SREK1: variants seen among roughly 807,000 people sequenced by gnomAD.
SREK1 encodes the protein splicing regulatory glutamic acid and lysine rich protein 1, also known as splicing regulatory glutamine/lysine-rich protein 1.
A neutral mutation model predicts 66.5 loss-of-function variants in SREK1; 13 were observed. The observed-to-expected ratio is 0.20, with a 90% CI of 0.13 to 0.31. The LOEUF (loss-of-function observed/expected upper bound fraction) is 0.31. Among genes scored for constraint, SREK1 ranks in the 10% least tolerant of loss-of-function variants. The pLI is 1.00. For missense variants in SREK1, 607 were observed against 769.6 expected (o/e 0.79, Z 2.50); for synonymous variants, 265 against 263.5 (o/e 1.01, Z -0.05).
intron 1 of SREK1, 145 bp downstream of exon 1, chr5:66,144,682 G>C: frequency 7.3e-7 from 1 of 1,369,008 alleles, no homozygotes. Context: ...TTTGATTAGG[G>C]CACCCGGGTT....
chr5:66,181,759 T>A lies in SREK1; in HGVS notation c.*2891T>A, dbSNP rs1399693735. 6.6e-6 allele frequency: 1 copy of A among 152,222 alleles called. No individual in the cohort carries two copies. Among genetic ancestry groups the A allele is most frequent in the Non-Finnish European group, 1.5e-5 (1 of 68,044 alleles). The allele number at this position is 152,222 out of a possible 1,614,324, so 9.4% of individuals were successfully genotyped here. On this transcript the variant is annotated 3_prime_UTR_variant, in exon 12 of 12. Transcript: ENST00000334121. ...CTTATAATTGCAAACACTAGTCAGC[T>A]TGTGATCTCTGTGTTTCAAGTTCTT...
rs1461496008 is a variant in SREK1, at chr5:66,153,592, A to G, written c.291A>G (p.Ala97=). Reference sequence around the variant, plus strand: ...GAGCTCTGATAGTTGTTCCTTGTGCAGAAGGTTGGTATCTCGCTTTTTTTC... The same window carrying G: ...GAGCTCTGATAGTTGTTCCTTGTGCGGAAGGTTGGTATCTCGCTTTTTTTC... ...IDRALIVVPC[A]EGKIPEESKA... is the part of the protein sequence containing the mutation. The change falls in exon 2 of 12, where the codon GCA becomes GCG. Residue 97 remains alanine (A), a synonymous_variant. Transcript: ENST00000334121. 1 of 1,613,874 alleles carries G rather than the reference A, an allele frequency of 6.2e-7. No homozygotes were observed. Among genetic ancestry groups the G allele is most frequent in the Non-Finnish European group, 8.5e-7 (1 of 1,179,930 alleles).
In SREK1 at chr5:66,178,807, A is replaced by G. The variant is rs776696532; in HGVS notation, c.1814A>G (p.Gln605Arg). 6 of 1,612,626 alleles carry G rather than the reference A, an allele frequency of 3.7e-6. No homozygotes were observed. In the South Asian group the frequency reaches 6.6e-5, roughly 18 times the overall value. ...DAPRTEENKI[Q>R]HNGNCQLNEE... ...CCAAGGACTGAGGAAAACAAAATAC[A>G]GCACAATGGGAATTGTCAGCTGAAT... The change falls in exon 12 of 12, where the codon CAG becomes CGG. Residue 605 changes from glutamine (Q) to arginine (R), a missense_variant. Physicochemically the swap from Gln to Arg is conservative, Grantham distance 43. Coordinates refer to ENST00000334121, the MANE Select transcript of SREK1 (RefSeq NM_001077199.3).
At chr5:66,166,658 G>A (rs969076729) in intron 7 of SREK1, 1 of 151,906 alleles carries the variant, frequency 6.6e-6, no homozygotes, top group Admixed American at 6.6e-5. Context: ...TTGTAGAAAC[G>A]GGGTTTTATC....
intron 9 of SREK1, among the ~76,000 whole-genome samples, chr5:66,173,553 T>C (rs567947121): frequency 6.6e-6 from 1 of 152,230 alleles, no homozygotes; most frequent in Non-Finnish European, 1.5e-5. Context: ...AGTCTAAATC[T>C]CACCAACTTT....
chr5:66,160,069 G>A (rs764721317), intron 3 of SREK1, among the ~76,000 whole-genome samples: 1 of 152,112 alleles, frequency 6.6e-6, no homozygotes. Flanking sequence ...GGCGGAGCTT[G>A]CAGTGAGCGA....
At chr5:66,144,698 G>T in intron 1 of SREK1, 161 bp downstream of exon 1, 1 of 1,334,884 alleles carries the variant, frequency 7.5e-7, no homozygotes, top group Non-Finnish European at 9.9e-7. Context: ...GGGTTCCGCC[G>T]TCCTGCTCTC....
intron 7 of SREK1, chr5:66,168,921 C>G (rs1004299190): frequency 6.6e-6 from 1 of 152,136 alleles, no homozygotes; most frequent in Admixed American, 6.5e-5. Context: ...CAGTTGTAAT[C>G]CTCATGACAG....
rs143655951 is a variant in SREK1, at chr5:66,178,721, G to T, written c.1728G>T (p.Glu576Asp). 8 of 1,598,582 alleles carry T rather than the reference G, an allele frequency of 5.0e-6. No homozygotes were observed. In the African/African-American group the frequency reaches 8.1e-5, roughly 16 times the overall value. The change falls in exon 12 of 12, where the codon GAG becomes GAT. Residue 576 changes from glutamate (E) to aspartate (D), a missense_variant and splice_region_variant. Around this residue, in one of 5 missense-constraint regions of SREK1, gnomAD observed 318 missense variants for 310.3 expected, o/e 1.02. Coordinates refer to ENST00000334121, the MANE Select transcript of SREK1 (RefSeq NM_001077199.3). ...KLEKNSTSLK[E>D]KEHNKEPDSS... ...CATACCTTAATTACTCATTGTAGGA[G>T]AAAGAGCACAATAAAGAACCAGATT...
intron 2 of SREK1, 145 bp downstream of exon 2, chr5:66,153,741 A>C: frequency 1.1e-6 from 1 of 924,510 alleles, no homozygotes; most frequent in South Asian, 1.7e-5. Context: ...AAACCTTTTT[A>C]CCTAATAGTA....
At chr5:66,173,251 C>T (rs1745790051) in intron 9 of SREK1, among the ~76,000 whole-genome samples, 1 of 152,074 alleles carries the variant, frequency 6.6e-6, no homozygotes, top group Non-Finnish European at 1.5e-5. Flanking sequence ...TTATTTCTAA[C>T]ATTGTCTCCT....
rs1744847983 is a variant in SREK1 at position 66,162,400 on chromosome 5, C to T, written c.577-14C>T. 1 of 1,612,852 alleles carries T rather than the reference C, an allele frequency of 6.2e-7. No individual in the cohort carries two copies. Among genetic ancestry groups the T allele is most frequent in the Non-Finnish European group, 8.5e-7 (1 of 1,179,142 alleles). Reference sequence around the variant, plus strand: ...ATGGATATATTTTATCAAAGTGTCACTTTGTTCCCTTAGACAACGACAGCT... The same window carrying T: ...ATGGATATATTTTATCAAAGTGTCATTTTGTTCCCTTAGACAACGACAGCT... On this transcript the variant is annotated splice_polypyrimidine_tract_variant and intron_variant, in intron 4 of 11. Transcript: ENST00000334121.
intron 5 of SREK1, chr5:66,163,286 A>G (rs1027896034): frequency 6.5e-6 from 1 of 152,692 alleles, no homozygotes; most frequent in Non-Finnish European, 1.5e-5. Context: ...CAGAGAAGTC[A>G]CTCTTACCTA....
At chr5:66,155,111 T>G (rs577488391) in intron 2 of SREK1, among the ~76,000 whole-genome samples, 10 of 149,104 alleles carry the variant, frequency 6.7e-5, no homozygotes, top group Non-Finnish European at 1.3e-4. Flanking sequence ...CTTTCATATA[T>G]CTGAGAAGCC....
At chr5:66,169,152 G>A (rs573625877) in intron 7 of SREK1, 2 of 152,202 alleles carry the variant, frequency 1.3e-5, no homozygotes, top group African/African-American at 2.4e-5. Context: ...AGGATACCTC[G>A]TTATGAAAAA....
intron 8 of SREK1, among the ~76,000 whole-genome samples, chr5:66,170,371 C>T (rs1745530312): frequency 6.6e-6 from 1 of 152,086 alleles, no homozygotes; most frequent in Non-Finnish European, 1.5e-5. Context: ...GTCAGTGTGA[C>T]TCATGAGGTT....
At chr5:66,157,261 A>C in intron 2 of SREK1, 1 of 985,282 alleles carries the variant, frequency 1.0e-6, no homozygotes, top group Non-Finnish European at 1.2e-6. Flanking sequence ...GCTGAAAGTG[A>C]AAGACTTCAT....
At chr5:66,155,986 C>A (rs1428184164) in intron 2 of SREK1, 1 of 1,529,842 alleles carries the variant, frequency 6.5e-7, no homozygotes, top group Non-Finnish European at 8.7e-7. Flanking sequence ...AACTTTATGT[C>A]CACATTTTCT....
chr5:66,151,131 C>G (rs1354893912), intron 1 of SREK1, among the ~76,000 whole-genome samples: 1 of 152,074 alleles, frequency 6.6e-6, no homozygotes, highest in Admixed American at 6.5e-5. Context: ...ATGAGCCACC[C>G]TGCCTGGCTG....
Sources: allele counts gnomAD v4.1 joint callset (sites outside exome capture counted in the v4.1 genomes callset), GRCh38; gene constraint gnomAD v4.1.1; regional missense constraint gnomAD v4.1.1; transcripts MANE v1.5; gene names NCBI Gene and HGNC (gene_info 2026-07-23, HGNC 2026-07-21).